Variants in ANKRD36C observed in about 807,000 individuals in gnomAD.
The protein encoded by ANKRD36C is ankyrin repeat domain 36C, also known as ankyrin repeat domain-containing protein 36C.
In ANKRD36C, 61 loss-of-function variants were observed where a neutral mutation model predicts 276.4. The observed-to-expected ratio is 0.22, with a 90% confidence interval of 0.18 to 0.27. ANKRD36C has a LOEUF of 0.27. ANKRD36C is among the 10% of genes least tolerant of loss of function. ANKRD36C has a pLI of 1.00. For missense variants in ANKRD36C, 1,447 were observed against 2,032.3 expected, an observed-to-expected ratio of 0.71 and a Z score of 5.54; for synonymous variants, 483 against 680.1, an observed-to-expected ratio of 0.71 and a Z score of 4.51.
chr2:95,944,267 A>C (rs1677974767), intron 19 of ANKRD36C, among the ~76,000 whole-genome samples: 1 of 151,688 alleles, frequency 6.6e-6, no homozygotes, highest in African/African-American at 2.4e-5. Context: ...TCCCCTCCTC[A>C]CCTTTGTATT....
At chr2:95,903,222 A>G (rs1573752978) in intron 42 of ANKRD36C, 141 bp from the exon 53 acceptor site, 1 of 1,400,730 alleles carries the variant, frequency 7.1e-7, no homozygotes, top group Non-Finnish European at 9.8e-7. Context: ...GTGTCTGGGG[A>G]CTAGAACATG....
intron 61 of ANKRD36C, among the ~76,000 whole-genome samples, chr2:95,858,190 C>A (rs1413510934): frequency 6.6e-6 from 1 of 151,954 alleles, no homozygotes; most frequent in Admixed American, 6.6e-5. Flanking sequence ...TCAGGACCTC[C>A]TGAGGGCTGT....
At position 95,951,411 on chromosome 2, in the gene ANKRD36C, A is replaced by G. The variant is rs748879318; in HGVS notation, c.1204-3T>C. 12 of 1,481,640 alleles carry G rather than the reference A, an allele frequency of 8.1e-6. No homozygotes were observed. The highest frequency in any genetic ancestry group is 1.1e-5 in the Non-Finnish European group (12 of 1,097,082). The allele number at this position is 1,481,640 out of a possible 1,614,324, so 91.8% of individuals were successfully genotyped here. ...GGGATGTATAGTTTTGAAATAATCT[A>G]GAAGAAAAACACAATAGGTTTAAGA... is the stretch of plus-strand genomic sequence containing the variant. On this transcript the variant is annotated splice_polypyrimidine_tract_variant and splice_region_variant and intron_variant, in intron 14 of 66. Coordinates refer to ENST00000456556, the Ensembl canonical transcript of ANKRD36C.
intron 30 of ANKRD36C, among the ~76,000 whole-genome samples, chr2:95,924,445 G>A (rs774474802): frequency 5.3e-5 from 8 of 151,462 alleles, no homozygotes; most frequent in East Asian, 1.9e-4. Flanking sequence ...AAACTTTTAC[G>A]TTTGGATATC....
chr2:95,945,969 G>A (rs1678035916), intron 17 of ANKRD36C, among the ~76,000 whole-genome samples: 1 of 152,214 alleles, frequency 6.6e-6, no homozygotes, highest in Non-Finnish European at 1.5e-5. Context: ...AGAAAAGCTT[G>A]TGTTCATAAT....
chr2:95,963,286 T>A (rs1678502214), intron 6 of ANKRD36C, among the ~76,000 whole-genome samples: 1 of 152,090 alleles, frequency 6.6e-6, no homozygotes, highest in African/African-American at 2.4e-5. Flanking sequence ...AAAATAAAAC[T>A]GCTACAAGCA....
rs1380594476 is a variant in ANKRD36C at position 95,986,930 on chromosome 2, A to G, written c.313-6T>C. The stretch of plus-strand genomic sequence containing the variant: ...TCCTGCCTCAGTTGTACAGCCTGTC[A>G]GTATTAGACCGAGAAACATGCAAAT... On this transcript the variant is annotated splice_region_variant and splice_polypyrimidine_tract_variant and intron_variant, in intron 2 of 66. Coordinates refer to ENST00000456556, the Ensembl canonical transcript of ANKRD36C. 8.7e-6 allele frequency: 14 copies of G among 1,612,760 alleles called. No individual in the cohort carries two copies. The highest frequency in any genetic ancestry group is 1.7e-5 in the Admixed American group (1 of 59,928).
At chr2:95,957,759 T>G (rs1175804810) in intron 12 of ANKRD36C, among the ~76,000 whole-genome samples, 1 of 142,472 alleles carries the variant, frequency 7.0e-6, no homozygotes, top group African/African-American at 2.6e-5. Flanking sequence ...GTTTCTAAAA[T>G]AGTCTGGTTT....
At chr2:95,885,644 C>T (rs995901755) in intron 52 of ANKRD36C, among the ~76,000 whole-genome samples, 9 of 151,864 alleles carry the variant, frequency 5.9e-5, no homozygotes, top group South Asian at 2.1e-4. Flanking sequence ...TCTCATTCTA[C>T]GCTGTTTTTG....
rs773876776 is a variant in ANKRD36C at position 95,888,169 on chromosome 2, G to T, written c.2960-49C>A. On this transcript the variant is annotated intron_variant, in intron 48 of 66. Transcript: ENST00000456556. ...ATCACTCATATGTAAATATGATAAA[G>T]TTATCCATACATTCATGCACTGTTG... is the stretch of plus-strand genomic sequence containing the variant. 3.1e-5 allele frequency: 50 copies of T among 1,605,404 alleles called. No individual in the cohort carries two copies. The Middle Eastern group carries it at 9.0e-4, about 29-fold the overall frequency.
intron 6 of ANKRD36C, among the ~76,000 whole-genome samples, chr2:95,964,193 A>C (rs1678539708): frequency 6.6e-6 from 1 of 150,954 alleles, no homozygotes; most frequent in South Asian, 2.1e-4. Context: ...AAAAAAAAAA[A>C]ACACTTTTTC....
At position 95,856,138 on chromosome 2, in the gene ANKRD36C, G is replaced by A. The variant is rs199628470; in HGVS notation, c.4123C>T (p.Arg1375Cys). 78 of 1,607,384 alleles carry A rather than the reference G, an allele frequency of 4.9e-5. No homozygotes were observed. In the African/African-American group the frequency reaches 7.8e-4, roughly 16 times the overall value. Residue 1375 changes from arginine to cysteine, a missense_variant, in exon 63 of 67, where the codon CGC (arginine) becomes TGC (cysteine). Physicochemically the swap from Arg to Cys is radical, Grantham distance 180. Transcript: ENST00000456556. ...CTGGCAATTTCATCTTGCATCAAGC[G>A]GTTTTCATGCAGCAGGTCTTCTTTT... is the stretch of plus-strand genomic sequence containing the variant.
At chr2:95,897,936 CA>C (rs1177838207) in intron 44 of ANKRD36C, among the ~76,000 whole-genome samples, 2 of 136,626 alleles carry the variant, frequency 1.5e-5, no homozygotes, top group East Asian at 4.2e-4. Flanking sequence ...ATTACGACGA[CA>C]ATTCAGTTGA....
rs200680017 is a variant in ANKRD36C, at chr2:95,908,550, G to C, written c.2653+3694C>G. 2.1e-4 allele frequency: 330 copies of C among 1,553,292 alleles called. 5 individuals are homozygous for C. The highest frequency in any genetic ancestry group is 5.3e-4 in the African/African-American group (39 of 73,340). On this transcript the variant is annotated intron_variant, in intron 42 of 66. Coordinates refer to ENST00000456556, the Ensembl canonical transcript of ANKRD36C. ...TTTTTTCCTCTGGCTATATTCAAAA[G>C]AGAATCTTTCTCATCTCTTGTAGCC...
chr2:95,868,132 G>A lies in ANKRD36C; in HGVS notation c.3541-551C>T, dbSNP rs549822815. 1.3e-3 allele frequency among the ~76,000 whole-genome samples: 192 copies of A among 151,794 alleles called. 1 individual carries two copies. The highest frequency in any genetic ancestry group is 4.4e-3 in the African/African-American group (182 of 41,398). Reference sequence around the variant, plus strand: ...TAATTCCACTTCTAGACATACTGCTGATGTTCTGTCACCATGTGGTGGAGA... The same window carrying A: ...TAATTCCACTTCTAGACATACTGCTAATGTTCTGTCACCATGTGGTGGAGA... On this transcript the variant is annotated intron_variant, in intron 59 of 66. Transcript: ENST00000456556.
intron 6 of ANKRD36C, among the ~76,000 whole-genome samples, 193 bp from the exon 7 acceptor site, chr2:95,962,740 A>G (rs995474174): frequency 3.3e-5 from 5 of 152,150 alleles, no homozygotes; most frequent in African/African-American, 7.2e-5. Flanking sequence ...GGCTTCATGA[A>G]AAATACACTT....
chr2:95,854,763 C>T (rs983301466), intron 63 of ANKRD36C, among the ~76,000 whole-genome samples: 1 of 151,980 alleles, frequency 6.6e-6, no homozygotes, highest in African/African-American at 2.4e-5. Flanking sequence ...GTCAAATTGA[C>T]ATGAAGAAAA....
At chr2:95,949,787 A>G (rs1407373968) in intron 16 of ANKRD36C, among the ~76,000 whole-genome samples, 1 of 151,940 alleles carries the variant, frequency 6.6e-6, no homozygotes, top group African/African-American at 2.4e-5. Context: ...GGATTCAAGT[A>G]TAGAAGATAT....
exon 63 of ANKRD36C, chr2:95,855,988 A>G: frequency 1.2e-6 from 2 of 1,613,036 alleles, no homozygotes; most frequent in Non-Finnish European, 1.7e-6. Context: ...GTTTCTGCTA[A>G]TGTTTCCTCA....
Sources: gnomAD v4.1 joint callset for allele counts (sites outside exome capture counted in the v4.1 genomes callset) on GRCh38, gnomAD v4.1.1 for gene constraint, MANE v1.5 for transcripts, NCBI Gene and HGNC (gene_info 2026-07-23, HGNC 2026-07-21) for gene names.